Variants in FARP1 observed in about 807,000 individuals in gnomAD.
FARP1 encodes the protein FERM, ARH/RhoGEF and pleckstrin domain protein 1.
Under a neutral mutation model 128.8 loss-of-function variants are expected in FARP1, and 52 were observed. The observed-to-expected ratio is 0.40, with a 90% CI of 0.32 to 0.51. The LOEUF is 0.51. Ranked by LOEUF, FARP1 falls within the 20% of genes least tolerant of loss-of-function variation. The pLI is 0.45. For synonymous variants in FARP1, 580 were observed against 551.8 expected (o/e 1.05, Z -0.72); for missense variants, 1,333 against 1,367.9 (o/e 0.97, Z 0.40).
intron 2 of FARP1, among the ~76,000 whole-genome samples, chr13:98,251,381 A>G (rs1201418400): frequency 1.3e-5 from 2 of 152,176 alleles, no homozygotes; most frequent in African/African-American, 4.8e-5. Flanking sequence ...TATTTGCTTA[A>G]TAGAAAGTCC....
chr13:98,350,125 C>T (rs964581129), intron 3 of FARP1, among the ~76,000 whole-genome samples: 5 of 152,178 alleles, frequency 3.3e-5, no homozygotes, highest in African/African-American at 1.2e-4. Flanking sequence ...GGCTCGGTCA[C>T]CTCGCGGGGC....
At chr13:98,144,231 A>G (rs576997178) in intron 1 of FARP1, among the ~76,000 whole-genome samples, 8 of 148,158 alleles carry the variant, frequency 5.4e-5, no homozygotes, top group Admixed American at 3.4e-4. Context: ...TGTGTGTTTT[A>G]TTTGAGGGGG....
chr13:98,445,376 GTTGT>G (rs1313206024), intron 24 of FARP1: 1 of 152,276 alleles, frequency 6.6e-6, no homozygotes, highest in African/African-American at 2.4e-5. Flanking sequence ...CCTGCTCAGA[GTTGT>G]TTGGAGGTAG....
intron 6 of FARP1, among the ~76,000 whole-genome samples, chr13:98,380,848 G>C (rs1302645561): frequency 6.6e-6 from 1 of 151,756 alleles, no homozygotes; most frequent in Non-Finnish European, 1.5e-5. Flanking sequence ...CAAAGTGCTG[G>C]GATTATAGGC....
intron 5 of FARP1, among the ~76,000 whole-genome samples, chr13:98,371,531 T>G (rs1395815080): frequency 6.6e-6 from 1 of 151,784 alleles, no homozygotes; most frequent in Non-Finnish European, 1.5e-5. Flanking sequence ...TGGCTCATTG[T>G]TGAATAAAAT....
At chr13:98,183,446 T>C (rs757368529) in intron 1 of FARP1, among the ~76,000 whole-genome samples, 90 of 152,354 alleles carry the variant, frequency 5.9e-4, no homozygotes, top group Admixed American at 1.2e-3. Flanking sequence ...CTATTTTTTC[T>C]GAGCTCTTAG....
chr13:98,209,421 A>T (rs1880517386), intron 1 of FARP1, among the ~76,000 whole-genome samples: 1 of 138,090 alleles, frequency 7.2e-6, no homozygotes, highest in Non-Finnish European at 1.5e-5. Context: ...AGGCAGCGGG[A>T]GGGGAGGGAG....
chr13:98,432,211 T>G (rs1196966618), intron 18 of FARP1: 1 of 152,322 alleles, frequency 6.6e-6, no homozygotes, highest in African/African-American at 2.4e-5. Flanking sequence ...TTCTATCTCA[T>G]GGACAGTCCT....
At chr13:98,329,134 A>T (rs1887371826) in intron 2 of FARP1, 1 of 152,252 alleles carries the variant, frequency 6.6e-6, no homozygotes, top group Admixed American at 6.5e-5. Context: ...TGACACGTTC[A>T]TTCTGCAAGT....
In FARP1 at chr13:98,384,604, G is replaced by T. The variant is rs1015516768; in HGVS notation, c.497-126G>T. 7.8e-6 allele frequency: 5 copies of T among 638,372 alleles called. No homozygotes were observed. In the Admixed American group the frequency reaches 1.3e-4, roughly 17 times the overall value. 39.5% of individuals were successfully genotyped at this position (638,372 alleles called of 1,614,324 possible). A position where few individuals can be genotyped will look rare whatever the true frequency, so the allele number is the denominator to read the frequency against. Reference sequence around the variant, plus strand: ...CCCGTCTCTGAGATCTGGCCCTTCTGATGTTCCCCACCAACTGGGCTCACC... The same window carrying T: ...CCCGTCTCTGAGATCTGGCCCTTCTTATGTTCCCCACCAACTGGGCTCACC... On this transcript the variant is annotated intron_variant, in intron 6 of 26. Coordinates refer to ENST00000319562, the MANE Select transcript of FARP1 (RefSeq NM_005766.4).
rs139402933 is a variant in FARP1 at position 98,258,589 on chromosome 13, C to A, written c.171+45176C>A. On this transcript the variant is annotated intron_variant, in intron 2 of 26. Transcript: ENST00000319562. The stretch of plus-strand genomic sequence containing the variant: ...GAAAAATCAGTTGGGTGCTGTCACT[C>A]ATGCTTGTGATCACAGCATTTTGGG... 3.0e-3 allele frequency among the ~76,000 whole-genome samples: 456 copies of A among 152,258 alleles called. 2 individuals are homozygous for A. Among genetic ancestry groups the A allele is most frequent in the Middle Eastern group, 0.017 (5 of 294 alleles).
At chr13:98,438,775 G>T (rs1231359475) in intron 19 of FARP1, 29 bp from the exon 20 acceptor site, 8 of 1,606,380 alleles carry the variant, frequency 5.0e-6, no homozygotes, top group Admixed American at 3.3e-5. Context: ...CACGCTCGCA[G>T]CCAGCCCTCC....
intron 24 of FARP1, among the ~76,000 whole-genome samples, chr13:98,443,831 C>CGGGGT (rs1566326057): frequency 5.7e-4 from 4 of 7,072 alleles, no homozygotes; most frequent in African/African-American, 7.9e-4. Context: ...GCAGACAGAG[C>CGGGGT]GCAGACAGGA....
rs376751812 is a variant in FARP1 at position 98,283,454 on chromosome 13, G to A, written c.172-60308G>A. Among the ~76,000 whole-genome samples, 7 of 152,156 alleles carry A rather than the reference G, an allele frequency of 4.6e-5. No individual in the cohort carries two copies. The South Asian group carries it at 8.3e-4, about 18-fold the overall frequency. On this transcript the variant is annotated intron_variant, in intron 2 of 26. Transcript: ENST00000319562. ...GCCTAAGGATGCAGCAGAGTTTACC[G>A]AAGCCCTTGCAGAGAGGCAGGATAA...
chr13:98,297,939 C>T (rs1032149698), intron 2 of FARP1, among the ~76,000 whole-genome samples: 12 of 152,218 alleles, frequency 7.9e-5, no homozygotes, highest in African/African-American at 2.9e-4. Flanking sequence ...GAATTATCCA[C>T]GTTCCCTGTA....
intron 2 of FARP1, among the ~76,000 whole-genome samples, chr13:98,342,008 A>G (rs780455561): frequency 4.6e-5 from 7 of 152,220 alleles, no homozygotes; most frequent in Non-Finnish European, 1.0e-4. Context: ...TCTATAATAC[A>G]GTGGAATGGA....
chr13:98,391,002 G>T (rs1890284049), intron 11 of FARP1, 122 bp downstream of exon 11: 2 of 711,042 alleles, frequency 2.8e-6, no homozygotes, highest in Non-Finnish European at 4.9e-6. Context: ...AGTTGTAAAT[G>T]ATAGTCTCAG....
At chr13:98,305,618 G>A (rs1886112288) in intron 2 of FARP1, among the ~76,000 whole-genome samples, 1 of 152,208 alleles carries the variant, frequency 6.6e-6, no homozygotes, top group African/African-American at 2.4e-5. Flanking sequence ...ACAGGCGTGA[G>A]CCACCACGCG....
chr13:98,324,596 A>G (rs935603595), intron 2 of FARP1, among the ~76,000 whole-genome samples: 1 of 152,030 alleles, frequency 6.6e-6, no homozygotes, highest in Non-Finnish European at 1.5e-5. Context: ...ATGGTTTACT[A>G]TTTTCAGAAA....
Sources: gnomAD v4.1 joint callset for allele counts (sites outside exome capture counted in the v4.1 genomes callset) on GRCh38, gnomAD v4.1.1 for gene constraint, MANE v1.5 for transcripts, NCBI Gene and HGNC (gene_info 2026-07-23, HGNC 2026-07-21) for gene names.